BBOX1: variants seen among roughly 807,000 people sequenced by gnomAD.
The protein encoded by BBOX1 is gamma-butyrobetaine hydroxylase 1.
BBOX1 carries 35 observed loss-of-function variants against 41.6 expected under a neutral mutation model. The observed-to-expected ratio is 0.84, with a 90% CI of 0.64 to 1.11. The LOEUF (loss-of-function observed/expected upper bound fraction) is 1.11. Among genes scored for constraint, BBOX1 ranks in the 50% most tolerant of loss-of-function variants. The pLI is 0.00. For missense variants in BBOX1, 458 were observed against 460.6 expected (o/e 0.99, Z 0.05); for synonymous variants, 163 against 154.7 (o/e 1.05, Z -0.40).
chr11:27,119,986 T>G, intron 7 of BBOX1, 141 bp downstream of exon 7: 1 of 518,494 alleles, frequency 1.9e-6, no homozygotes, highest in Non-Finnish European at 3.1e-6. Flanking sequence ...TTTAGAGTGA[T>G]AGTATTTTCA....
intron 4 of BBOX1, among the ~76,000 whole-genome samples, chr11:27,063,845 C>T (rs932205196): frequency 4.2e-5 from 6 of 141,484 alleles, no homozygotes; most frequent in Non-Finnish European, 9.5e-5. Flanking sequence ...AAAATCTATT[C>T]GTCTTGTACA....
At chr11:27,049,992 T>C (rs1270371050) in intron 2 of BBOX1, among the ~76,000 whole-genome samples, 1 of 152,166 alleles carries the variant, frequency 6.6e-6, no homozygotes, top group Non-Finnish European at 1.5e-5. Flanking sequence ...TTTCAGATTT[T>C]ATGTTTAAGT....
At chr11:27,081,312 T>C (rs1012810065) in intron 4 of BBOX1, among the ~76,000 whole-genome samples, 3 of 152,128 alleles carry the variant, frequency 2.0e-5, no homozygotes, top group African/African-American at 7.2e-5. Flanking sequence ...AGTATTTGGT[T>C]TTCTGTTCTT....
chr11:27,068,413 TG>T (rs907021626), intron 4 of BBOX1, among the ~76,000 whole-genome samples: 1 of 152,130 alleles, frequency 6.6e-6, no homozygotes. Context: ...CACGTTTTGA[TG>T]GGGTTGTTTT....
chr11:27,066,836 G>A (rs112583433), intron 4 of BBOX1, among the ~76,000 whole-genome samples: 48 of 148,940 alleles, frequency 3.2e-4, no homozygotes, highest in African/African-American at 1.2e-3. Flanking sequence ...AAATGTTTAA[G>A]TTCTACTCTA....
Position 27,044,767 on chromosome 11 carries a change from G to A in BBOX1, c.-39+3289G>A, listed in dbSNP as rs112989822. On this transcript the variant is annotated intron_variant, in intron 2 of 8. Coordinates refer to ENST00000263182, the MANE Select transcript of BBOX1 (RefSeq NM_003986.3). ...ATAGATGTATGGCATTATTTCTGAG[G>A]CCTCTGTTTTGTTCCATTGGTCTAT... Among the ~76,000 whole-genome samples, 810 of 151,840 alleles carry A rather than the reference G, an allele frequency of 5.3e-3. 9 individuals are homozygous for A. Among genetic ancestry groups the A allele is most frequent in the African/African-American group, 0.018 (759 of 41,504 alleles).
chr11:27,041,761 G>A (rs1225549198), intron 2 of BBOX1, among the ~76,000 whole-genome samples: 3 of 152,144 alleles, frequency 2.0e-5, no homozygotes, highest in African/African-American at 4.8e-5. Context: ...TAGTCTGATA[G>A]TCAAATTACT....
intron 4 of BBOX1, among the ~76,000 whole-genome samples, chr11:27,086,310 C>T (rs1215052773): frequency 1.3e-5 from 2 of 151,966 alleles, no homozygotes; most frequent in Non-Finnish European, 2.9e-5. Context: ...ACAGACTGAC[C>T]CTTTTGTTAG....
intron 4 of BBOX1, among the ~76,000 whole-genome samples, chr11:27,080,223 A>T (rs1366507321): frequency 6.6e-6 from 1 of 152,134 alleles, no homozygotes; most frequent in Non-Finnish European, 1.5e-5. Context: ...ATGAAGTATC[A>T]GAGCCAAAGT....
In BBOX1 at chr11:27,057,211, C is replaced by A; in HGVS notation, c.230C>A (p.Thr77Lys). 6.2e-7 allele frequency: 1 copy of A among 1,603,080 alleles called. No individual in the cohort carries two copies. The highest frequency in any genetic ancestry group is 8.5e-7 in the Non-Finnish European group (1 of 1,177,246). ...TTTTTGTGTTATAAGGTGTACATCA[C>A]ATGGCCCGATGAGCATTACAGTGAA... ...LIFDRKKVYI[T>K]WPDEHYSEFQ... Residue 77 changes from threonine to lysine, a missense_variant, in exon 4 of 9, where the codon ACA becomes AAA. By Grantham distance (78) the Thr-to-Lys change is moderately conservative. Transcript: ENST00000263182.
chr11:27,099,181 C>A (rs1858553991), intron 5 of BBOX1, among the ~76,000 whole-genome samples: 1 of 151,742 alleles, frequency 6.6e-6, no homozygotes, highest in Non-Finnish European at 1.5e-5. Flanking sequence ...CCCAAAAAGT[C>A]AAGCAGAAGA....
rs1012493422 is a variant in BBOX1, at chr11:27,127,282, C to A, written c.1004-11C>A. The A allele has an allele frequency of 5.0e-6, 8 of 1,611,906 alleles. No homozygotes were observed. In the African/African-American group the frequency reaches 6.7e-5, roughly 13 times the overall value. The stretch of plus-strand genomic sequence containing the variant: ...CACAATTATTCATATTGGAAAAAAT[C>A]TTTTCTTTAGGTGATGTGATTACTT... On this transcript the variant is annotated splice_polypyrimidine_tract_variant and intron_variant, in intron 8 of 8. Coordinates refer to ENST00000263182, the MANE Select transcript of BBOX1 (RefSeq NM_003986.3).
At chr11:27,107,088 A>G (rs1233551372) in intron 5 of BBOX1, among the ~76,000 whole-genome samples, 2 of 152,192 alleles carry the variant, frequency 1.3e-5, no homozygotes, top group African/African-American at 4.8e-5. Flanking sequence ...CATTTAAAGC[A>G]GTGTGTAGAG....
chr11:27,062,742 T>C (rs1360145944), intron 4 of BBOX1, among the ~76,000 whole-genome samples: 1 of 152,098 alleles, frequency 6.6e-6, no homozygotes, highest in Non-Finnish European at 1.5e-5. Flanking sequence ...TTTGTATTTT[T>C]AGTAGAGATG....
At chr11:27,057,443 G>T (rs1003439310) in intron 4 of BBOX1, 128 bp downstream of exon 4, 1 of 724,468 alleles carries the variant, frequency 1.4e-6, no homozygotes, top group Non-Finnish European at 2.3e-6. Context: ...AAATTATGTG[G>T]TGTATTTAAA....
chr11:27,090,519 C>A (rs1177178009), intron 4 of BBOX1, among the ~76,000 whole-genome samples: 3 of 151,788 alleles, frequency 2.0e-5, no homozygotes, highest in African/African-American at 7.3e-5. Context: ...GGACAAAGGG[C>A]AAAAGCAGAA....
intron 4 of BBOX1, among the ~76,000 whole-genome samples, chr11:27,080,776 G>T (rs1353573451): frequency 6.6e-6 from 1 of 151,968 alleles, no homozygotes; most frequent in East Asian, 1.9e-4. Context: ...GAAGATTTGA[G>T]GATAGAAAAC....
chr11:27,079,173 C>T (rs1857745867), intron 4 of BBOX1, among the ~76,000 whole-genome samples: 1 of 152,058 alleles, frequency 6.6e-6, no homozygotes, highest in Admixed American at 6.6e-5. Context: ...CAAAGGTGGA[C>T]AATTGCCATG....
intron 5 of BBOX1, among the ~76,000 whole-genome samples, chr11:27,112,259 G>A (rs1177832766): frequency 6.6e-6 from 1 of 151,884 alleles, no homozygotes; most frequent in Non-Finnish European, 1.5e-5. Context: ...TAAACACAGT[G>A]TCCTTGGATG....
Sources: gnomAD v4.1 joint callset for allele counts (sites outside exome capture counted in the v4.1 genomes callset) on GRCh38, gnomAD v4.1.1 for gene constraint, MANE v1.5 for transcripts, NCBI Gene and HGNC (gene_info 2026-07-23, HGNC 2026-07-21) for gene names.